Variants in ATP13A4 observed in about 807,000 individuals in gnomAD.
The protein encoded by ATP13A4 is probable cation-transporting ATPase 13A4.
In ATP13A4, 114 loss-of-function variants were observed where a neutral mutation model predicts 142.5. That is an observed-to-expected ratio of 0.80 (90% CI 0.69 to 0.93). The LOEUF (loss-of-function observed/expected upper bound fraction) is 0.93. Ranked by LOEUF, ATP13A4 falls within the 40% of genes least tolerant of loss-of-function variation. The probability of loss-of-function intolerance (pLI) is 0.00; values close to 1 mark genes in which losing one functional copy is unlikely to be tolerated. For missense variants in ATP13A4, 1,392 were observed against 1,454.0 expected (o/e 0.96, Z 0.69); for synonymous variants, 488 against 514.8 (o/e 0.95, Z 0.70).
intron 8 of ATP13A4, among the ~76,000 whole-genome samples, chr3:193,483,027 T>G (rs911354307): frequency 1.3e-5 from 2 of 152,152 alleles, no homozygotes; most frequent in African/African-American, 4.8e-5. Context: ...CAAACTAGTA[T>G]GTCTATACAC....
At chr3:193,499,465 G>A (rs895673185) in intron 3 of ATP13A4, among the ~76,000 whole-genome samples, 8 of 152,264 alleles carry the variant, frequency 5.3e-5, no homozygotes, top group South Asian at 4.1e-4. Flanking sequence ...CTTTTCACAC[G>A]TTATGTTTAG....
chr3:193,537,430 C>T (rs1242363961), intron 1 of ATP13A4, among the ~76,000 whole-genome samples: 1 of 152,134 alleles, frequency 6.6e-6, no homozygotes, highest in African/African-American at 2.4e-5. Context: ...CAAATATTAA[C>T]TCATAATGGA....
At chr3:193,455,497 C>A (rs1222015364) in intron 16 of ATP13A4, among the ~76,000 whole-genome samples, 3 of 152,064 alleles carry the variant, frequency 2.0e-5, no homozygotes, top group Non-Finnish European at 2.9e-5. Flanking sequence ...CCATCTCAAA[C>A]CAGTCAGAAT....
rs981648152 is a variant in ATP13A4 at position 193,400,616 on chromosome 3, C to G, written c.*2036G>C. On this transcript the variant is annotated 3_prime_UTR_variant, in exon 30 of 30. Transcript: ENST00000342695. ...GCAATATAAGGTTTGCTCAGAAGATCTGTATTTGAGGCCTAGATCTGCTCT... is the reference window on the plus strand; with the variant it reads ...GCAATATAAGGTTTGCTCAGAAGATGTGTATTTGAGGCCTAGATCTGCTCT... 2.6e-5 allele frequency among the ~76,000 whole-genome samples: 4 copies of G among 152,214 alleles called. No individual in the cohort carries two copies. Among genetic ancestry groups the G allele is most frequent in the African/African-American group, 4.8e-5 (2 of 41,462 alleles).
At chr3:193,527,643 C>T (rs923386843) in intron 1 of ATP13A4, among the ~76,000 whole-genome samples, 2 of 151,846 alleles carry the variant, frequency 1.3e-5, no homozygotes, top group Admixed American at 6.6e-5. Flanking sequence ...CACTTCCCCC[C>T]TCCCCTGCCT....
In ATP13A4 at chr3:193,490,929, G is replaced by A. The variant is rs573483945; in HGVS notation, c.603+400C>T. ...CCTTGAGATCAGCAGTACTGAGAAG[G>A]CTGAATAAATGGTTTTTTTCTTCCT... On this transcript the variant is annotated intron_variant, in intron 6 of 29. Coordinates refer to ENST00000342695, the MANE Select transcript of ATP13A4 (RefSeq NM_032279.4). Among the ~76,000 whole-genome samples the A allele has an allele frequency of 2.0e-5, 3 of 152,220 alleles. No homozygotes were observed. In the East Asian group the frequency reaches 5.8e-4, roughly 29 times the overall value.
intron 1 of ATP13A4, among the ~76,000 whole-genome samples, chr3:193,591,856 A>G (rs1342043961): frequency 6.6e-6 from 1 of 152,162 alleles, no homozygotes; most frequent in Non-Finnish European, 1.5e-5. Flanking sequence ...ATAACAAGGA[A>G]GTAACGATTA....
chr3:193,454,039 A>T (rs771685895), intron 17 of ATP13A4, 62 bp downstream of exon 17: 1 of 1,433,060 alleles, frequency 7.0e-7, no homozygotes, highest in Non-Finnish European at 9.8e-7. Context: ...TGCACTTGAC[A>T]TTCCAACCTG....
At chr3:193,545,849 G>T (rs1157925792) in intron 1 of ATP13A4, among the ~76,000 whole-genome samples, 1 of 151,880 alleles carries the variant, frequency 6.6e-6, no homozygotes, top group Non-Finnish European at 1.5e-5. Context: ...TTGATTTAAT[G>T]TTTCCAGATA....
intron 21 of ATP13A4, among the ~76,000 whole-genome samples, chr3:193,439,498 G>A (rs1716499798): frequency 6.6e-6 from 1 of 152,160 alleles, no homozygotes; most frequent in Non-Finnish European, 1.5e-5. Flanking sequence ...ATGAGGTGCT[G>A]TATGGGAAAG....
At chr3:193,421,914 A>C (rs1429370509) in intron 25 of ATP13A4, among the ~76,000 whole-genome samples, 3 of 149,908 alleles carry the variant, frequency 2.0e-5, no homozygotes, top group Non-Finnish European at 4.4e-5. Flanking sequence ...TCAAATAACA[A>C]AGTGGCAATA....
At chr3:193,544,992 G>T (rs1723142210) in intron 1 of ATP13A4, among the ~76,000 whole-genome samples, 1 of 152,126 alleles carries the variant, frequency 6.6e-6, no homozygotes, top group Admixed American at 6.5e-5. Context: ...TGAGTCAGGA[G>T]AGAAGAGAGA....
Position 193,440,627 on chromosome 3 carries a change from T to C in ATP13A4, c.2450A>G (p.Asn817Ser), listed in dbSNP as rs1403213360. ...AGACATTCTTGCAAAGATGGTCCCA[T>C]TGATCAATATCTGTAAGGAACCCAA... is the stretch of plus-strand genomic sequence containing the variant. ...FSSLLPKILI[N>S]GTIFARMSPG... Residue 817 changes from asparagine (N) to serine (S), a missense_variant, in exon 21 of 30, where the codon AAT (asparagine) becomes AGT (serine). Physicochemically the swap from Asn to Ser is conservative, Grantham distance 46 (BLOSUM62 1). Transcript: ENST00000342695. 6.2e-7 allele frequency: 1 copy of C among 1,614,084 alleles called. No homozygotes were observed. The highest frequency in any genetic ancestry group is 1.7e-5 in the Admixed American group (1 of 60,032).
At chr3:193,408,613 A>G (rs984310411) in intron 28 of ATP13A4, among the ~76,000 whole-genome samples, 1 of 152,200 alleles carries the variant, frequency 6.6e-6, no homozygotes, top group Non-Finnish European at 1.5e-5. Flanking sequence ...CCACCACCAC[A>G]TCCACTGTAA....
chr3:193,542,188 T>C (rs1274111295), intron 1 of ATP13A4, among the ~76,000 whole-genome samples: 2 of 152,064 alleles, frequency 1.3e-5, no homozygotes, highest in Non-Finnish European at 2.9e-5. Context: ...AACACTAGAC[T>C]AGCAGAAAGC....
At chr3:193,422,035 T>C (rs903970565) in intron 25 of ATP13A4, among the ~76,000 whole-genome samples, 2 of 149,702 alleles carry the variant, frequency 1.3e-5, no homozygotes, top group African/African-American at 4.9e-5. Flanking sequence ...CTCATCTACA[T>C]AATGCCTATA....
At chr3:193,491,749 T>C (rs1023263127) in intron 5 of ATP13A4, among the ~76,000 whole-genome samples, 1 of 152,208 alleles carries the variant, frequency 6.6e-6, no homozygotes, top group East Asian at 1.9e-4. Flanking sequence ...GTTTTATTAC[T>C]GTAAGACAGT....
intron 25 of ATP13A4, chr3:193,419,070 C>G (rs1715271187): frequency 6.6e-6 from 1 of 151,052 alleles, no homozygotes; most frequent in Non-Finnish European, 1.5e-5. Flanking sequence ...GCTCCATTTG[C>G]CCTTCCCAGT....
chr3:193,536,673 A>C (rs1722606212), intron 1 of ATP13A4, among the ~76,000 whole-genome samples: 5 of 152,062 alleles, frequency 3.3e-5, no homozygotes, highest in Admixed American at 3.3e-4. Flanking sequence ...GCATACAGAA[A>C]TAAAACTTAC....
Sources: gnomAD v4.1 joint callset for allele counts (sites outside exome capture counted in the v4.1 genomes callset) on GRCh38, gnomAD v4.1.1 for gene constraint, MANE v1.5 for transcripts, NCBI Gene and HGNC (gene_info 2026-07-23, HGNC 2026-07-21) for gene names.